The following ATP8B3 variants were observed in gnomAD, a reference collection of about 807,000 sequenced individuals.
ATP8B3 encodes the protein phospholipid-transporting ATPase IK.
Under a neutral mutation model 140.9 loss-of-function variants are expected in ATP8B3, and 141 were observed. That is an observed-to-expected ratio of 1.00 (90% CI 0.87 to 1.15). ATP8B3 has a LOEUF of 1.15. Among genes scored for constraint, ATP8B3 ranks in the 50% most tolerant of loss-of-function variants. The pLI is 0.00. For synonymous variants in ATP8B3, 765 were observed against 714.6 expected (o/e 1.07, Z -1.13); for missense variants, 1,874 against 1,740.6 (o/e 1.08, Z -1.36).
chr19:1,794,992 T>C lies in ATP8B3; in HGVS notation c.2055+883A>G, dbSNP rs1327324423. Among the ~76,000 whole-genome samples the C allele has an allele frequency of 6.6e-6, 1 of 151,788 alleles. No individual in the cohort carries two copies. The highest frequency in any genetic ancestry group is 1.5e-5 in the Non-Finnish European group (1 of 67,908). ...ACACCCTTGGCCGGGCGCGGTGGCC[T>C]ACGCCTGTAATCCCAGCACTTTGAG... On this transcript the variant is annotated intron_variant, in intron 18 of 28. Transcript: ENST00000310127. This position sits in a 1 kb window ranked among gnomAD's most constrained non-coding sequence, Gnocchi z 4.8.
In ATP8B3 at chr19:1,807,325, T is replaced by C. The variant is rs2145207647; in HGVS notation, c.517-59A>G. The C allele has an allele frequency of 7.0e-7, 1 of 1,422,290 alleles. No homozygotes were observed. Among genetic ancestry groups the C allele is most frequent in the Middle Eastern group, 1.8e-4 (1 of 5,580 alleles). 88.1% of individuals were successfully genotyped at this position (1,422,290 alleles called of 1,614,324 possible). ...AGCCCACTCCCCCGTCCCCTGCCCT[T>C]CCACCAAGCCGACCTAGCCCCGCAC... On this transcript the variant is annotated intron_variant, in intron 5 of 28. Coordinates refer to ENST00000310127, the MANE Select transcript of ATP8B3 (RefSeq NM_138813.4). This position sits in a 1 kb window ranked among gnomAD's most constrained non-coding sequence, Gnocchi z 5.9.
intron 3 of ATP8B3, among the ~76,000 whole-genome samples, chr19:1,810,282 G>A (rs1458151702): frequency 6.6e-6 from 1 of 152,120 alleles, no homozygotes; most frequent in African/African-American, 2.4e-5. Flanking sequence ...TTTTGAGATG[G>A]AGTCTCGCTC....
chr19:1,807,281 C>T lies in ATP8B3; in HGVS notation c.517-15G>A, dbSNP rs1172919701. ...TCGGGAATGCTCTGACGTGAGGGGG[C>T]CACAGGAAGGGTCACACCAGCCCAC... On this transcript the variant is annotated splice_polypyrimidine_tract_variant and intron_variant, in intron 5 of 28. Coordinates refer to ENST00000310127, the MANE Select transcript of ATP8B3 (RefSeq NM_138813.4). The surrounding 1 kb of genome is among the most constrained non-coding windows in gnomAD (Gnocchi z 5.9). 6.2e-7 allele frequency: 1 copy of T among 1,604,818 alleles called. No homozygotes were observed. The highest frequency in any genetic ancestry group is 1.1e-5 in the South Asian group (1 of 90,824).
rs146639588 is a variant in ATP8B3 at position 1,800,633 on chromosome 19, G to A, written c.1153-184C>T. On this transcript the variant is annotated intron_variant, in intron 12 of 28. Transcript: ENST00000310127. This position sits in a 1 kb window ranked among gnomAD's most constrained non-coding sequence, Gnocchi z 4.4. Reference sequence around the variant, plus strand: ...TCAGGAGTTCAAGACCAGCCTGGGCGACAAAGTGAGACCTCATCTCGACGA... The same window carrying A: ...TCAGGAGTTCAAGACCAGCCTGGGCAACAAAGTGAGACCTCATCTCGACGA... 4.3e-3 allele frequency among the ~76,000 whole-genome samples: 659 copies of A among 152,126 alleles called. 3 individuals carry two copies. Among genetic ancestry groups the A allele is most frequent in the African/African-American group, 0.015 (612 of 41,474 alleles).
Position 1,811,786 on chromosome 19 carries a change from TG to T in ATP8B3, c.-51del, listed in dbSNP as rs1401161724. On this transcript the variant is annotated 5_prime_UTR_variant, in exon 2 of 29. Transcript: ENST00000310127. ...TCAGGGCGAAGAGGGGTTTAGGCTG[TG>T]GGACGGGGGAGAGGTGGGGGAGACC... 5 of 1,522,588 alleles carry T rather than the reference TG, an allele frequency of 3.3e-6. No individual in the cohort carries two copies. In the Admixed American group the frequency reaches 7.7e-5, roughly 24 times the overall value. 94.3% of individuals were successfully genotyped at this position (1,522,588 alleles called of 1,614,324 possible).
chr19:1,796,681 C>T (rs747060717), intron 16 of ATP8B3, 30 bp downstream of exon 16: 5 of 1,599,446 alleles, frequency 3.1e-6, no homozygotes, highest in East Asian at 2.2e-5. Flanking sequence ...GGCTGAGCGG[C>T]CTCAGAGATG....
At position 1,807,302 on chromosome 19, in the gene ATP8B3, C is replaced by T; in HGVS notation, c.517-36G>A. 6.5e-7 allele frequency: 1 copy of T among 1,549,406 alleles called. No homozygotes were observed. Among genetic ancestry groups the T allele is most frequent in the Non-Finnish European group, 8.9e-7 (1 of 1,125,158 alleles). On this transcript the variant is annotated intron_variant, in intron 5 of 28. Coordinates refer to ENST00000310127, the MANE Select transcript of ATP8B3 (RefSeq NM_138813.4). This position sits in a 1 kb window ranked among gnomAD's most constrained non-coding sequence, Gnocchi z 5.9. Reference sequence around the variant, plus strand: ...GGGGCCACAGGAAGGGTCACACCAGCCCACTCCCCCGTCCCCTGCCCTTCC... The same window carrying T: ...GGGGCCACAGGAAGGGTCACACCAGTCCACTCCCCCGTCCCCTGCCCTTCC...
At chr19:1,788,470 T>G (rs949265900) in intron 24 of ATP8B3, among the ~76,000 whole-genome samples, 3 of 152,056 alleles carry the variant, frequency 2.0e-5, no homozygotes, top group African/African-American at 7.2e-5. Context: ...GCCAACATGG[T>G]GAAACCCTGT....
rs772723255 is a variant in ATP8B3 at position 1,811,489 on chromosome 19, C to A, written c.248G>T (p.Gly83Val). Residue 83 changes from glycine to valine, a missense_variant and splice_region_variant, in exon 2 of 29, where the codon GGC (glycine) becomes GTC (valine). Physicochemically the swap from Gly to Val is moderately radical, Grantham distance 109. Transcript: ENST00000310127. ...GGCCACCCGATGCACCCGTCCTCAC[C>A]CTTCTGGTCTCCATTCATACTTCCT... The part of the protein sequence containing the change: ...RARKYEWRPE[G>V]PTSMGSLGQR... The A allele has an allele frequency of 1.2e-5, 20 of 1,611,218 alleles. No individual in the cohort carries two copies. In the African/African-American group the frequency reaches 2.3e-4, roughly 18 times the overall value.
rs778657823 is a variant in ATP8B3, at chr19:1,789,685, C to A, written c.2521G>T (p.Ala841Ser). The part of the protein sequence containing the change: ...VSLRKEPRAL[A>S]QNVNMDEAWQ... The stretch of plus-strand genomic sequence containing the variant: ...GCCTCGTCCATGTTCACGTTCTGCG[C>A]CAGGGCGCGCGGCTCCTTCCGCAGG... The change falls in exon 23 of 29, where the codon GCG (alanine) becomes TCG (serine). Residue 841 changes from alanine (A) to serine (S), a missense_variant. Physicochemically the swap from Ala to Ser is moderately conservative, Grantham distance 99. Coordinates refer to ENST00000310127, the MANE Select transcript of ATP8B3 (RefSeq NM_138813.4). The A allele has an allele frequency of 1.9e-6, 3 of 1,594,172 alleles. No individual in the cohort carries two copies. Among genetic ancestry groups the A allele is most frequent in the African/African-American group, 1.3e-5 (1 of 74,532 alleles).
intron 10 of ATP8B3, among the ~76,000 whole-genome samples, chr19:1,804,535 G>A (rs1232324497): frequency 1.3e-5 from 2 of 152,088 alleles, no homozygotes; most frequent in Non-Finnish European, 1.5e-5. Context: ...GTGAACCCAG[G>A]AGGCGGAGCT....
At chr19:1,797,607 C>G (rs1031753220) in intron 14 of ATP8B3, among the ~76,000 whole-genome samples, 2 of 151,592 alleles carry the variant, frequency 1.3e-5, no homozygotes, top group African/African-American at 4.9e-5. Flanking sequence ...TCAAGTGACT[C>G]TCCTGTCTCA....
chr19:1,791,958 GC>G, intron 19 of ATP8B3, 42 bp downstream of exon 19: 3 of 915,378 alleles, frequency 3.3e-6, no homozygotes, highest in Non-Finnish European at 4.9e-6. Flanking sequence ...GGGTGCCCCC[GC>G]TGCCCACCCA....
At chr19:1,799,709 A>G (rs1437591302) in intron 14 of ATP8B3, 2 of 589,464 alleles carry the variant, frequency 3.4e-6, no homozygotes, top group Non-Finnish European at 6.0e-6. Flanking sequence ...GATTGCAGTG[A>G]GCCAAGATTG....
intron 18 of ATP8B3, among the ~76,000 whole-genome samples, chr19:1,793,389 C>T (rs1338673774): frequency 6.6e-6 from 1 of 152,244 alleles, no homozygotes; most frequent in Non-Finnish European, 1.5e-5. Context: ...GCAGAAGCCA[C>T]CACACCTGGC....
rs1044654609 is a variant in ATP8B3 at position 1,807,589 on chromosome 19, T to C, written c.517-323A>G. 6.6e-6 allele frequency among the ~76,000 whole-genome samples: 1 copy of C among 152,124 alleles called. No homozygotes were observed. Among genetic ancestry groups the C allele is most frequent in the African/African-American group, 2.4e-5 (1 of 41,430 alleles). On this transcript the variant is annotated intron_variant, in intron 5 of 28. Coordinates refer to ENST00000310127, the MANE Select transcript of ATP8B3 (RefSeq NM_138813.4). This position sits in a 1 kb window ranked among gnomAD's most constrained non-coding sequence, Gnocchi z 5.9. ...GCCACTGCTCCCCCTCCCTCCCATGTCCCTGCTTCCCCAGGTCACCCTGCA... is the reference window on the plus strand; with the variant it reads ...GCCACTGCTCCCCCTCCCTCCCATGCCCCTGCTTCCCCAGGTCACCCTGCA...
Position 1,789,211 on chromosome 19 carries a change from C to T in ATP8B3, c.2846-91G>A, listed in dbSNP as rs1478134426. The T allele has an allele frequency of 3.4e-5, 26 of 774,230 alleles. 1 individual carries two copies. Among genetic ancestry groups the T allele is most frequent in the South Asian group, 1.7e-4 (10 of 58,386 alleles). The allele number at this position is 774,230 out of a possible 1,614,324, so 48.0% of individuals were successfully genotyped here. A position where few individuals can be genotyped will look rare whatever the true frequency, so the allele number is the denominator to read the frequency against. On this transcript the variant is annotated intron_variant, in intron 23 of 28. Transcript: ENST00000310127. ...CCGCACTGTTCTGCCCCCTATCAGC[C>T]CCCCCCATCTGCTTCAGGTCCCCCC...
Position 1,790,805 on chromosome 19 carries a change from CAGGCGA to C in ATP8B3, c.2324_2329del (p.Phe775_Ala776del), listed in dbSNP as rs756678401. ...GAGCATATTCTCTGACAGCAGCTCG[CAGGCGA>C]AGCCGATGTTCACAGCCGTTTCTGC... On this transcript the variant is annotated inframe_deletion, in exon 21 of 29. Coordinates refer to ENST00000310127, the MANE Select transcript of ATP8B3 (RefSeq NM_138813.4). 1.9e-6 allele frequency: 3 copies of C among 1,604,526 alleles called. No individual in the cohort carries two copies. Among genetic ancestry groups the C allele is most frequent in the Non-Finnish European group, 2.5e-6 (3 of 1,176,628 alleles).
chr19:1,787,120 T>G lies in ATP8B3; in HGVS notation c.3136A>C (p.Ile1046Leu), dbSNP rs768299797. The G allele has an allele frequency of 1.2e-6, 2 of 1,607,422 alleles. No individual in the cohort carries two copies. The highest frequency in any genetic ancestry group is 8.5e-7 in the Non-Finnish European group (1 of 1,176,814). ...CTGCTCACCTGCTCAAAGAGCCCAA[T>G]GTAGAGAACTGGCAGGGTGCTGTAC... is the stretch of plus-strand genomic sequence containing the variant. The part of the protein sequence containing the change: ...LLYSTLPVLY[I>L]GLFEQDVSAE... Residue 1046 changes from isoleucine to leucine, a missense_variant, in exon 25 of 29, where the codon ATT (isoleucine) becomes CTT (leucine). By Grantham distance (5) the Ile-to-Leu change is conservative. Coordinates refer to ENST00000310127, the MANE Select transcript of ATP8B3 (RefSeq NM_138813.4).
Sources: allele counts gnomAD v4.1 joint callset (sites outside exome capture counted in the v4.1 genomes callset), GRCh38; gene constraint gnomAD v4.1.1; non-coding constraint Gnocchi (gnomAD v3.1); transcripts MANE v1.5; gene names NCBI Gene and HGNC (gene_info 2026-07-23, HGNC 2026-07-21).